The following MEI4 variants were observed in gnomAD, a reference collection of about 807,000 sequenced individuals.
MEI4 encodes the protein meiosis-specific protein MEI4.
Under a neutral mutation model 31.4 loss-of-function variants are expected in MEI4, and 27 were observed. The observed-to-expected ratio is 0.86, with a 90% CI of 0.63 to 1.19. The LOEUF (loss-of-function observed/expected upper bound fraction) is 1.19. MEI4 is among the 50% of genes most tolerant of loss of function. The probability of loss-of-function intolerance (pLI) is 0.00; values close to 1 mark genes in which losing one functional copy is unlikely to be tolerated. For missense variants in MEI4, 329 were observed against 398.9 expected, an observed-to-expected ratio of 0.82 and a Z score of 1.49; for synonymous variants, 122 against 145.4, an observed-to-expected ratio of 0.84 and a Z score of 1.16.
chr6:77,810,740 A>G (rs1372610289), intron 3 of MEI4, among the ~76,000 whole-genome samples: 1 of 152,218 alleles, frequency 6.6e-6, no homozygotes, highest in East Asian at 1.9e-4. Context: ...ATACATAAAT[A>G]GCCACAAAAT....
intron 2 of MEI4, among the ~76,000 whole-genome samples, chr6:77,734,210 T>C (rs1196059590): frequency 6.6e-6 from 1 of 152,032 alleles, no homozygotes; most frequent in African/African-American, 2.4e-5. Flanking sequence ...ATGATCTGTC[T>C]AATGTTGACA....
intron 4 of MEI4, among the ~76,000 whole-genome samples, chr6:77,910,763 A>G (rs1425283704): frequency 6.6e-6 from 1 of 152,086 alleles, no homozygotes; most frequent in African/African-American, 2.4e-5. Flanking sequence ...TACTGATTTA[A>G]TTTCCTTTGG....
chr6:77,685,069 TTG>T (rs1769028929), intron 1 of MEI4, among the ~76,000 whole-genome samples: 1 of 152,236 alleles, frequency 6.6e-6, no homozygotes, highest in African/African-American at 2.4e-5. Flanking sequence ...CGATATCTAA[TTG>T]TAGTTTTGAT....
At chr6:77,920,814 A>T (rs77760154) in intron 4 of MEI4, among the ~76,000 whole-genome samples, 74 of 152,048 alleles carry the variant, frequency 4.9e-4, no homozygotes, top group Non-Finnish European at 7.8e-4. Context: ...GTTGTCAATG[A>T]GCAGTAATCT....
chr6:77,762,040 A>G (rs1768058841), intron 3 of MEI4, among the ~76,000 whole-genome samples: 1 of 152,204 alleles, frequency 6.6e-6, no homozygotes, highest in Non-Finnish European at 1.5e-5. Context: ...TCCAAACTTA[A>G]CGTCTGTGAG....
chr6:77,710,943 T>A (rs1365733236), intron 2 of MEI4, among the ~76,000 whole-genome samples: 9 of 152,244 alleles, frequency 5.9e-5, no homozygotes, highest in African/African-American at 1.7e-4. Flanking sequence ...TTTAATCTTT[T>A]TATTTTACTG....
chr6:77,743,683 C>T (rs1175647096), intron 2 of MEI4, among the ~76,000 whole-genome samples: 1 of 152,186 alleles, frequency 6.6e-6, no homozygotes, highest in African/African-American at 2.4e-5. Context: ...GTCCCTGACC[C>T]CTGACCCCCG....
intron 2 of MEI4, among the ~76,000 whole-genome samples, chr6:77,741,810 C>T (rs1767413004): frequency 7.1e-6 from 1 of 140,016 alleles, no homozygotes; most frequent in East Asian, 2.3e-4. Context: ...TGATGTTCCC[C>T]TTCCTGTGTC....
chr6:77,703,455 C>T (rs1461250277), intron 2 of MEI4, among the ~76,000 whole-genome samples: 2 of 152,154 alleles, frequency 1.3e-5, no homozygotes, highest in African/African-American at 4.8e-5. Context: ...TAAAACCATT[C>T]ACAGTACTTT....
At chr6:77,727,098 A>T (rs906783872) in intron 2 of MEI4, among the ~76,000 whole-genome samples, 4 of 152,194 alleles carry the variant, frequency 2.6e-5, no homozygotes, top group Non-Finnish European at 4.4e-5. Context: ...TGATACCTCC[A>T]CAAAAACGGG....
chr6:77,871,133 G>T (rs1321280927), intron 4 of MEI4, among the ~76,000 whole-genome samples: 1 of 152,012 alleles, frequency 6.6e-6, no homozygotes, highest in Non-Finnish European at 1.5e-5. Flanking sequence ...AGGTGACTTA[G>T]ACCATTTCAG....
intron 2 of MEI4, among the ~76,000 whole-genome samples, chr6:77,731,086 A>G (rs895190440): frequency 2.4e-4 from 36 of 151,942 alleles, no homozygotes; most frequent in Non-Finnish European, 4.4e-4. Flanking sequence ...CTCAATAAAC[A>G]TATGTGTGCA....
intron 4 of MEI4, among the ~76,000 whole-genome samples, chr6:77,879,588 C>A (rs768845381): frequency 6.6e-6 from 1 of 152,138 alleles, no homozygotes; most frequent in African/African-American, 2.4e-5. Flanking sequence ...ATACTTTTCT[C>A]AATATTAAAG....
chr6:77,779,176 G>T (rs1408806342), intron 3 of MEI4, among the ~76,000 whole-genome samples: 1 of 152,168 alleles, frequency 6.6e-6, no homozygotes, highest in Non-Finnish European at 1.5e-5. Context: ...GAAGAAGCCT[G>T]CAAAGAAGTT....
At chr6:77,665,871 A>T (rs555117394) in intron 1 of MEI4, among the ~76,000 whole-genome samples, 1 of 152,160 alleles carries the variant, frequency 6.6e-6, no homozygotes, top group South Asian at 2.1e-4. Flanking sequence ...AATTGGTGAG[A>T]TGTTCCTTGG....
At chr6:77,749,517 C>A (rs771229475) in intron 2 of MEI4, among the ~76,000 whole-genome samples, 14 of 151,924 alleles carry the variant, frequency 9.2e-5, no homozygotes, top group Non-Finnish European at 1.8e-4. Flanking sequence ...GAAAGGATAT[C>A]AGAGATTGAA....
At chr6:77,656,059 C>T (rs1343863694) in intron 1 of MEI4, among the ~76,000 whole-genome samples, 1 of 152,076 alleles carries the variant, frequency 6.6e-6, no homozygotes, top group African/African-American at 2.4e-5. Context: ...CTGATTTATT[C>T]AGTGAGCTCA....
intron 4 of MEI4, among the ~76,000 whole-genome samples, chr6:77,883,239 G>A (rs1771530899): frequency 6.6e-6 from 1 of 152,038 alleles, no homozygotes; most frequent in Admixed American, 6.6e-5. Context: ...CATATGATCT[G>A]TAATGATCAA....
At chr6:77,775,323 TC>T (rs1330936891) in intron 3 of MEI4, among the ~76,000 whole-genome samples, 1 of 152,128 alleles carries the variant, frequency 6.6e-6, no homozygotes, top group Non-Finnish European at 1.5e-5. Flanking sequence ...TGGTCTTTTT[TC>T]TCTCATTCCC....
Sources: gnomAD v4.1 joint callset for allele counts (sites outside exome capture counted in the v4.1 genomes callset) on GRCh38, gnomAD v4.1.1 for gene constraint, MANE v1.5 for transcripts, NCBI Gene and HGNC (gene_info 2026-07-23, HGNC 2026-07-21) for gene names.